Variants in FHAD1 observed in about 807,000 individuals in gnomAD.
The protein encoded by FHAD1 is forkhead associated phosphopeptide binding domain 1, also known as forkhead-associated domain-containing protein 1.
FHAD1 carries 146 observed loss-of-function variants against 191.3 expected under a neutral mutation model. That is an observed-to-expected ratio of 0.76 (90% CI 0.67 to 0.88). FHAD1 has a LOEUF of 0.88. Among genes scored for constraint, FHAD1 ranks in the 40% least tolerant of loss-of-function variants. The probability of loss-of-function intolerance (pLI) is 0.00; values close to 1 mark genes in which losing one functional copy is unlikely to be tolerated. For missense variants in FHAD1, 1,635 were observed against 1,785.8 expected (o/e 0.92, Z 1.52); for synonymous variants, 616 against 672.3 (o/e 0.92, Z 1.29).
intron 33 of FHAD1, among the ~76,000 whole-genome samples, chr1:15,393,495 C>CT (rs1426157802): frequency 2.6e-5 from 4 of 151,820 alleles, no homozygotes; most frequent in African/African-American, 4.8e-5. Flanking sequence ...GAAAAAACCT[C>CT]TAAGAATTCT....
At chr1:15,248,065 T>TC (rs1646309709) in intron 1 of FHAD1, among the ~76,000 whole-genome samples, 1 of 151,916 alleles carries the variant, frequency 6.6e-6, no homozygotes, top group African/African-American at 2.4e-5. Flanking sequence ...TTTTTTTTTT[T>TC]CCAGAATGTC....
intron 32 of FHAD1, among the ~76,000 whole-genome samples, chr1:15,390,158 C>T (rs1189009752): frequency 3.3e-5 from 5 of 151,940 alleles, no homozygotes; most frequent in African/African-American, 1.2e-4. Context: ...CCAGCCTGGC[C>T]AACATGGTGA....
chr1:15,270,518 TCTC>T (rs1655450286), intron 2 of FHAD1, among the ~76,000 whole-genome samples: 1 of 152,120 alleles, frequency 6.6e-6, no homozygotes, highest in Non-Finnish European at 1.5e-5. Flanking sequence ...CACTAAGCAA[TCTC>T]CTGGCTTGTA....
chr1:15,303,848 C>CAAA (rs765601462), intron 6 of FHAD1, among the ~76,000 whole-genome samples: 2 of 104,424 alleles, frequency 1.9e-5, no homozygotes, highest in African/African-American at 6.3e-5. Flanking sequence ...GACTCTGTCT[C>CAAA]AAAAAAAAAA....
Position 15,301,347 on chromosome 1 carries a change from C to G in FHAD1, c.821C>G (p.Ser274Cys). Residue 274 changes from serine (S) to cysteine (C), a missense_variant, in exon 6 of 34, where the codon TCC (serine) becomes TGC (cysteine). Ser to Cys is a moderately radical substitution (Grantham distance 112, BLOSUM62 -1). Coordinates refer to ENST00000688493, the MANE Select transcript of FHAD1 (RefSeq NM_001391957.1). ...CAGAAGGTGTCAGAGACCACCACCT[C>G]CAGGCAGAATGAGAAGGAGATCTCG... ...LSQKVSETTT[S>C]RQNEKEISQK... The G allele has an allele frequency of 6.4e-7, 1 of 1,551,734 alleles. No homozygotes were observed. The highest frequency in any genetic ancestry group is 8.7e-7 in the Non-Finnish European group (1 of 1,147,000).
At chr1:15,331,734 GGCAGGCAA>G (rs542372531) in intron 14 of FHAD1, among the ~76,000 whole-genome samples, 231 of 151,844 alleles carry the variant, frequency 1.5e-3, no homozygotes, top group African/African-American at 5.2e-3. Context: ...AAGGCAGGAA[GGCAGGCAA>G]GCAGGCAAGC....
At chr1:15,245,882 G>A (rs79236392), upstream of FHAD1, among the ~76,000 whole-genome samples, 967 of 152,328 alleles carry the variant, frequency 6.3e-3, 46 homozygotes, top group East Asian at 0.1. Flanking sequence ...CTCCAGGCAC[G>A]TTTGAGCATC....
intron 2 of FHAD1, among the ~76,000 whole-genome samples, chr1:15,267,716 GT>G (rs1179986388): frequency 6.7e-6 from 1 of 150,356 alleles, no homozygotes; most frequent in Non-Finnish European, 1.5e-5. Flanking sequence ...TTTCATCTAA[GT>G]TATCAAATTT....
intron 18 of FHAD1, among the ~76,000 whole-genome samples, chr1:15,348,554 G>T (rs927388082): frequency 6.6e-6 from 1 of 152,146 alleles, no homozygotes; most frequent in Admixed American, 6.5e-5. Flanking sequence ...TTGGTGTATC[G>T]TGGCTCATTA....
intron 31 of FHAD1, among the ~76,000 whole-genome samples, chr1:15,385,128 TC>T (rs1701817209): frequency 8.3e-6 from 1 of 121,042 alleles, no homozygotes; most frequent in South Asian, 2.4e-4. Context: ...AGGGGGAAAA[TC>T]TTTTTTTTTT....
At chr1:15,374,920 G>A (rs1037194276) in intron 27 of FHAD1, among the ~76,000 whole-genome samples, 7 of 147,698 alleles carry the variant, frequency 4.7e-5, no homozygotes, top group African/African-American at 1.8e-4. Flanking sequence ...GTGCAGTGGT[G>A]CATTCTTGCC....
At chr1:15,256,724 C>T (rs980365926) in intron 2 of FHAD1, among the ~76,000 whole-genome samples, 8 of 151,174 alleles carry the variant, frequency 5.3e-5, no homozygotes, top group African/African-American at 1.7e-4. Context: ...TGCCCTACAC[C>T]GAGGAGATTT....
chr1:15,241,459 G>C (rs144132327), intron 1 of FHAD1, among the ~76,000 whole-genome samples: 1 of 152,024 alleles, frequency 6.6e-6, no homozygotes. Context: ...TTCGACTTCC[G>C]GACCAACATT....
chr1:15,252,294 T>G (rs1046542703), intron 2 of FHAD1, among the ~76,000 whole-genome samples: 2 of 152,214 alleles, frequency 1.3e-5, no homozygotes, highest in African/African-American at 4.8e-5. Flanking sequence ...CCGGCCGCCC[T>G]GTAGACAGAG....
At chr1:15,251,959 C>A in intron 2 of FHAD1, 82 bp downstream of exon 2, 1 of 1,157,226 alleles carries the variant, frequency 8.6e-7, no homozygotes, top group Non-Finnish European at 1.2e-6. Flanking sequence ...GTTATGTGGA[C>A]TCCAGTCTCT....
chr1:15,376,716 A>G (rs1699757052), intron 28 of FHAD1, among the ~76,000 whole-genome samples: 1 of 152,204 alleles, frequency 6.6e-6, no homozygotes, highest in South Asian at 2.1e-4. Flanking sequence ...GGAAAAACTT[A>G]ATAAATGATA....
Position 15,308,690 on chromosome 1 carries a change from G to A in FHAD1, c.993G>A (p.Leu331=), listed in dbSNP as rs550782073. ...LSERNSEITS[L]KNEGENLKRD... is the part of the protein sequence containing the mutation. The stretch of plus-strand genomic sequence containing the variant: ...AGCGGAACTCAGAAATCACATCCCT[G>A]AAGAATGAGGGCGAGAACTTAAAGA... The change falls in exon 7 of 34, where the codon CTG becomes CTA. Residue 331 remains leucine, a synonymous_variant. Transcript: ENST00000688493. The A allele has an allele frequency of 1.3e-6, 2 of 1,551,764 alleles. No homozygotes were observed. The highest frequency in any genetic ancestry group is 2.4e-5 in the East Asian group (1 of 40,922).
chr1:15,358,961 G>T (rs200458496), intron 21 of FHAD1, among the ~76,000 whole-genome samples: 11 of 152,138 alleles, frequency 7.2e-5, no homozygotes, highest in African/African-American at 2.2e-4. Flanking sequence ...GGGGAGGCGT[G>T]GGGGGAAGGG....
chr1:15,354,520 A>G (rs1334130628), intron 20 of FHAD1, among the ~76,000 whole-genome samples: 2 of 152,180 alleles, frequency 1.3e-5, no homozygotes, highest in East Asian at 3.8e-4. Flanking sequence ...GCTGTGGGAG[A>G]GCCCGAGAAA....
Sources: allele counts gnomAD v4.1 joint callset (sites outside exome capture counted in the v4.1 genomes callset), GRCh38; gene constraint gnomAD v4.1.1; transcripts MANE v1.5; gene names NCBI Gene and HGNC (gene_info 2026-07-23, HGNC 2026-07-21).